SLC5A10: variants seen among roughly 807,000 people sequenced by gnomAD.
SLC5A10 encodes the protein sodium/mannose cotransporter SLC5A10.
Under a neutral mutation model 68.9 loss-of-function variants are expected in SLC5A10, and 55 were observed. The observed-to-expected ratio is 0.80, with a 90% CI of 0.64 to 1.00. The LOEUF (loss-of-function observed/expected upper bound fraction) is 1.00. SLC5A10 is among the 50% of genes least tolerant of loss of function. The probability of loss-of-function intolerance (pLI) is 0.00; values close to 1 mark genes in which losing one functional copy is unlikely to be tolerated. For synonymous variants in SLC5A10, 344 were observed against 344.8 expected (o/e 1.00, Z 0.02); for missense variants, 732 against 819.3 (o/e 0.89, Z 1.30).
intron 9 of SLC5A10, among the ~76,000 whole-genome samples, chr17:19,001,800 C>CG (rs201646917): frequency 0.05 from 7,614 of 152,276 alleles, 274 homozygotes; most frequent in Middle Eastern, 0.085. Context: ...CATCGCTGGG[C>CG]GGGGGATCTG....
intron 5 of SLC5A10, among the ~76,000 whole-genome samples, chr17:18,962,287 T>C (rs897370054): frequency 2.6e-5 from 4 of 151,956 alleles, no homozygotes; most frequent in African/African-American, 9.7e-5. Flanking sequence ...TGGGCTCTGA[T>C]GGAGACAGGG....
At chr17:19,012,544 A>G (rs1047030359) in intron 9 of SLC5A10, among the ~76,000 whole-genome samples, 6 of 152,268 alleles carry the variant, frequency 3.9e-5, no homozygotes, top group Admixed American at 3.9e-4. Context: ...GGGATGAGGG[A>G]AAGCGATGTG....
intron 9 of SLC5A10, among the ~76,000 whole-genome samples, chr17:19,005,333 G>T (rs2043854739): frequency 6.6e-6 from 1 of 152,216 alleles, no homozygotes; most frequent in Non-Finnish European, 1.5e-5. Flanking sequence ...GCAGGGAGGG[G>T]CCAAGAGGGC....
intron 9 of SLC5A10, among the ~76,000 whole-genome samples, chr17:18,988,721 G>A (rs900977334): frequency 6.6e-6 from 1 of 152,268 alleles, no homozygotes. Flanking sequence ...AACCTGATGT[G>A]TCAATGACCG....
At chr17:19,011,347 G>A (rs1352713107) in intron 9 of SLC5A10, among the ~76,000 whole-genome samples, 4 of 152,182 alleles carry the variant, frequency 2.6e-5, no homozygotes, top group South Asian at 2.1e-4. Context: ...GAGGGACTAC[G>A]TCTGCAAAGG....
chr17:19,009,626 A>G (rs893920494), intron 9 of SLC5A10, among the ~76,000 whole-genome samples: 1 of 152,136 alleles, frequency 6.6e-6, no homozygotes, highest in Non-Finnish European at 1.5e-5. Flanking sequence ...GTTAGGGAGT[A>G]GAGAGCACCT....
In SLC5A10 at chr17:18,988,566, G is replaced by T. The variant is rs1188494006; in HGVS notation, c.982+11577G>T. 6 of 1,321,250 alleles carry T rather than the reference G, an allele frequency of 4.5e-6. No individual in the cohort carries two copies. In the African/African-American group the frequency reaches 8.9e-5, roughly 20 times the overall value. The allele number at this position is 1,321,250 out of a possible 1,614,324, so 81.8% of individuals were successfully genotyped here. ...GGAGCCTCAGGCCCGGGACCAGGAA[G>T]TGAGGGGCCAGGGGCCTCTCTTGCC... On this transcript the variant is annotated intron_variant, in intron 9 of 14. Transcript: ENST00000395645.
chr17:18,984,211 G>A (rs762287794), intron 9 of SLC5A10, among the ~76,000 whole-genome samples: 27 of 151,892 alleles, frequency 1.8e-4, no homozygotes, highest in South Asian at 4.1e-4. Flanking sequence ...GCGTGGTGGC[G>A]GGCCCCTGTA....
chr17:18,990,351 G>T (rs2152131455), intron 9 of SLC5A10, among the ~76,000 whole-genome samples: 1 of 152,302 alleles, frequency 6.6e-6, no homozygotes, highest in East Asian at 1.9e-4. Context: ...TGTGGTGGTA[G>T]CAGGGTCCTC....
rs2042572830 is a variant in SLC5A10, at chr17:18,959,622, G to A, written c.307G>A (p.Ala103Thr). Residue 103 changes from alanine (A) to threonine (T), a missense_variant, in exon 4 of 15, where the codon GCA becomes ACA. Coordinates refer to ENST00000395645, the MANE Select transcript of SLC5A10 (RefSeq NM_001042450.4). ...FEWNATYVLL[A>T]LAWVFVPIYI... ...CCCATAGGCCACGTACGTGCTGCTG[G>A]CACTGGCATGGGTGTTCGTGCCCAT... The A allele has an allele frequency of 1.2e-6, 2 of 1,613,876 alleles. No homozygotes were observed. The highest frequency in any genetic ancestry group is 1.3e-5 in the African/African-American group (1 of 74,914).
At chr17:18,955,672 CTG>C (rs1208513755) in intron 1 of SLC5A10, among the ~76,000 whole-genome samples, 1 of 152,274 alleles carries the variant, frequency 6.6e-6, no homozygotes, top group African/African-American at 2.4e-5. Flanking sequence ...CTGGCCAAGA[CTG>C]TGAGCCTTCA....
chr17:18,955,323 C>T (rs998599090), intron 1 of SLC5A10, among the ~76,000 whole-genome samples: 2 of 152,148 alleles, frequency 1.3e-5, no homozygotes, highest in Non-Finnish European at 2.9e-5. Flanking sequence ...ATCCAGGCTG[C>T]ACCACTTGCT....
At chr17:18,994,238 C>A (rs1009798033) in intron 9 of SLC5A10, among the ~76,000 whole-genome samples, 5 of 152,208 alleles carry the variant, frequency 3.3e-5, no homozygotes, top group Non-Finnish European at 5.9e-5. Flanking sequence ...AAGCCATGGA[C>A]AACAGGCTTC....
In SLC5A10 at chr17:18,964,865, G is replaced by A. The variant is rs113337373; in HGVS notation, c.454-4187G>A. Among the ~76,000 whole-genome samples the A allele has an allele frequency of 7.1e-3, 1,074 of 152,300 alleles. 14 individuals are homozygous for A. The highest frequency in any genetic ancestry group is 0.025 in the African/African-American group (1,043 of 41,554). On this transcript the variant is annotated intron_variant, in intron 5 of 14. Transcript: ENST00000395645. ...AATGGTAGAAATGCAGAACCTGACC[G>A]GGTGCAGTGGCTCACACCTGTAATC...
At chr17:19,011,506 T>C (rs1408492691) in intron 9 of SLC5A10, among the ~76,000 whole-genome samples, 1 of 151,876 alleles carries the variant, frequency 6.6e-6, no homozygotes, top group African/African-American at 2.4e-5. Context: ...CAGGATGCCA[T>C]GGGCTGAGAG....
In SLC5A10 at chr17:18,978,733, G is replaced by T. The variant is rs372386054; in HGVS notation, c.982+1744G>T. The T allele has an allele frequency of 1.6e-5, 25 of 1,612,880 alleles. No individual in the cohort carries two copies. The African/African-American group carries it at 2.8e-4, about 18-fold the overall frequency. Reference sequence around the variant, plus strand: ...CCTTCTCCATAGGGATGCCCTTGAGGCTCACACTGTGTGACATGAGGTACA... The same window carrying T: ...CCTTCTCCATAGGGATGCCCTTGAGTCTCACACTGTGTGACATGAGGTACA... On this transcript the variant is annotated intron_variant, in intron 9 of 14. Transcript: ENST00000395645.
rs752810535 is a variant in SLC5A10 at position 18,952,304 on chromosome 17, C to A, written c.99C>A (p.Ala33=). Residue 33 remains alanine, a synonymous_variant, in exon 1 of 15, where the codon GCC becomes GCA. Coordinates refer to ENST00000395645, the MANE Select transcript of SLC5A10 (RefSeq NM_001042450.4). ...VITVYFALNV[A]VGIWSSCRAS... The stretch of plus-strand genomic sequence containing the variant: ...CTGTGTATTTTGCTCTGAATGTGGC[C>A]GTGGGCATATGGGTAAGGGGACCTG... 6.2e-7 allele frequency: 1 copy of A among 1,612,580 alleles called. No individual in the cohort carries two copies. Among genetic ancestry groups the A allele is most frequent in the Non-Finnish European group, 8.5e-7 (1 of 1,179,324 alleles).
intron 1 of SLC5A10, chr17:18,952,541 G>C (rs2042389826): frequency 3.9e-6 from 2 of 506,658 alleles, no homozygotes; most frequent in Non-Finnish European, 7.0e-6. Context: ...GTGAGGAGGA[G>C]GAAATTCTCT....
Position 19,019,738 on chromosome 17 carries a change from G to A in SLC5A10, c.1436G>A (p.Gly479Glu), listed in dbSNP as rs1490419023. The A allele has an allele frequency of 2.5e-6, 4 of 1,611,974 alleles. No homozygotes were observed. Among genetic ancestry groups the A allele is most frequent in the Non-Finnish European group, 3.4e-6 (4 of 1,179,756 alleles). ...EQGAFWGLIA[G>E]LVVGATRLVL... ...GGGGCCTTCTGGGGCCTGATAGCAGGGCTGGTGGTGGGGGCCACGAGGCTG... is the reference window on the plus strand; with the variant it reads ...GGGGCCTTCTGGGGCCTGATAGCAGAGCTGGTGGTGGGGGCCACGAGGCTG... Residue 479 changes from glycine (G) to glutamate (E), a missense_variant, in exon 13 of 15, where the codon GGG becomes GAG. Transcript: ENST00000395645.
Sources: gnomAD v4.1 joint callset for allele counts (sites outside exome capture counted in the v4.1 genomes callset) on GRCh38, gnomAD v4.1.1 for gene constraint, MANE v1.5 for transcripts, NCBI Gene and HGNC (gene_info 2026-07-23, HGNC 2026-07-21) for gene names.